Variants in EPHA3 observed in about 807,000 individuals in gnomAD.
EPHA3 encodes the protein EPH receptor A3.
A neutral mutation model predicts 107.1 loss-of-function variants in EPHA3; 42 were observed. The observed-to-expected ratio is 0.39, with a 90% CI of 0.31 to 0.51. The LOEUF is 0.51. Among genes scored for constraint, EPHA3 ranks in the 20% least tolerant of loss-of-function variants. EPHA3 has a pLI of 0.78. For synonymous variants in EPHA3, 461 were observed against 424.8 expected (o/e 1.09, Z -1.05); for missense variants, 1,183 against 1,211.2 (o/e 0.98, Z 0.35).
At chr3:89,353,079 C>T (rs968911017) in intron 5 of EPHA3, among the ~76,000 whole-genome samples, 4 of 150,900 alleles carry the variant, frequency 2.7e-5, no homozygotes, top group South Asian at 2.1e-4. Flanking sequence ...AAAGAAATAA[C>T]TCATGTTGAA....
At chr3:89,180,609 G>A (rs1437229948) in intron 2 of EPHA3, among the ~76,000 whole-genome samples, 2 of 151,980 alleles carry the variant, frequency 1.3e-5, no homozygotes, top group Admixed American at 1.3e-4. Context: ...CAGCAGTTTA[G>A]TAGCGTTATA....
chr3:89,266,235 T>C (rs1163866146), intron 3 of EPHA3, among the ~76,000 whole-genome samples: 1 of 152,162 alleles, frequency 6.6e-6, no homozygotes, highest in African/African-American at 2.4e-5. Context: ...AACTGAAACC[T>C]ACAGTTCAAG....
At chr3:89,364,901 A>G (rs1708159739) in intron 5 of EPHA3, among the ~76,000 whole-genome samples, 1 of 150,922 alleles carries the variant, frequency 6.6e-6, no homozygotes, top group Non-Finnish European at 1.5e-5. Context: ...TATTTGTTTT[A>G]TAAAGTGACT....
At chr3:89,332,003 G>A (rs1707300278) in intron 3 of EPHA3, among the ~76,000 whole-genome samples, 1 of 152,104 alleles carries the variant, frequency 6.6e-6, no homozygotes, top group Non-Finnish European at 1.5e-5. Flanking sequence ...CCTGAGTATA[G>A]AGTTGAGCTT....
At chr3:89,113,828 A>T (rs1707183602) in intron 1 of EPHA3, among the ~76,000 whole-genome samples, 1 of 152,100 alleles carries the variant, frequency 6.6e-6, no homozygotes, top group Non-Finnish European at 1.5e-5. Context: ...GAAAGTTTTA[A>T]GAGTGACAGC....
At chr3:89,121,692 G>A (rs1471950112) in intron 1 of EPHA3, among the ~76,000 whole-genome samples, 1 of 151,350 alleles carries the variant, frequency 6.6e-6, no homozygotes, top group African/African-American at 2.4e-5. Flanking sequence ...AGGAGGCAGA[G>A]GTTGCAGTGA....
chr3:89,443,380 G>A (rs945006893), intron 13 of EPHA3, among the ~76,000 whole-genome samples: 18 of 152,028 alleles, frequency 1.2e-4, no homozygotes, highest in Admixed American at 1.3e-4. Context: ...ACTAACTATC[G>A]TTGTGGAGTT....
intron 3 of EPHA3, among the ~76,000 whole-genome samples, chr3:89,277,126 G>A (rs1253497412): frequency 6.6e-6 from 1 of 152,094 alleles, no homozygotes; most frequent in East Asian, 1.9e-4. Flanking sequence ...CAACTTGCAT[G>A]TCCTAGGAAT....
At chr3:89,241,379 A>G (rs1175817827) in intron 3 of EPHA3, among the ~76,000 whole-genome samples, 2 of 152,228 alleles carry the variant, frequency 1.3e-5, no homozygotes, top group Admixed American at 1.3e-4. Context: ...GACTGAATGC[A>G]TTCAGCTAAA....
chr3:89,459,084 G>A (rs556409047), intron 15 of EPHA3, among the ~76,000 whole-genome samples: 95 of 152,208 alleles, frequency 6.2e-4, no homozygotes, highest in African/African-American at 2.1e-3. Context: ...TGCATGTGGA[G>A]CTTAAAACCT....
intron 13 of EPHA3, among the ~76,000 whole-genome samples, chr3:89,442,714 G>T (rs146418833): frequency 6.6e-6 from 1 of 152,070 alleles, no homozygotes; most frequent in African/African-American, 2.4e-5. Flanking sequence ...ATTTTTTCCT[G>T]TCCATATTGG....
In EPHA3 at chr3:89,239,715, A is replaced by G. The variant is rs560785377; in HGVS notation, c.814+29195A>G. Among the ~76,000 whole-genome samples the G allele has an allele frequency of 7.9e-4, 120 of 152,240 alleles. 1 individual carries two copies. Among genetic ancestry groups the G allele is most frequent in the African/African-American group, 2.7e-3 (111 of 41,550 alleles). ...CTTTTGAAAAGAACATAATTTCTCA[A>G]AAAAATATTTTTCAGTAATCTCTGC... On this transcript the variant is annotated intron_variant, in intron 3 of 16. Coordinates refer to ENST00000336596, the MANE Select transcript of EPHA3 (RefSeq NM_005233.6).
chr3:89,431,157 A>G lies in EPHA3; in HGVS notation c.2144A>G (p.Asp715Gly), dbSNP rs1280769530. ...GSLDSFLRKH[D>G]AQFTVIQLVG... ...ATTTGAAATGCTTCCCAGAAACACG[A>G]TGCCCAGTTTACTGTCATTCAGCTA... is the stretch of plus-strand genomic sequence containing the variant. Residue 715 changes from aspartate to glycine, a missense_variant, in exon 13 of 17, where the codon GAT becomes GGT. Physicochemically the swap from Asp to Gly is moderately conservative, Grantham distance 94. Coordinates refer to ENST00000336596, the MANE Select transcript of EPHA3 (RefSeq NM_005233.6). 6.2e-7 allele frequency: 1 copy of G among 1,613,352 alleles called. No homozygotes were observed. Among genetic ancestry groups the G allele is most frequent in the Non-Finnish European group, 8.5e-7 (1 of 1,179,738 alleles).
chr3:89,357,188 C>T (rs1305756905), intron 5 of EPHA3, among the ~76,000 whole-genome samples: 14 of 135,688 alleles, frequency 1.0e-4, no homozygotes, highest in Non-Finnish European at 2.0e-4. Flanking sequence ...GACGGTGATA[C>T]GGGAAGAAAC....
chr3:89,147,472 G>A (rs528003756), intron 2 of EPHA3, among the ~76,000 whole-genome samples: 1 of 152,000 alleles, frequency 6.6e-6, no homozygotes, highest in East Asian at 1.9e-4. Flanking sequence ...AGAAGAAAAA[G>A]GAAATTTGTG....
chr3:89,219,688 G>GTGTTTTTTTTTGTTTTT, intron 3 of EPHA3, among the ~76,000 whole-genome samples: 895 of 34,434 alleles, frequency 0.026, 360 homozygotes, highest in Admixed American at 0.056. Context: ...ATTTGGCAAT[G>GTGTTTTTTTTTGTTTTT]TTTTTTTTTT....
Position 89,201,402 on chromosome 3 carries a change from A to T in EPHA3, c.154-8458A>T, listed in dbSNP as rs7650224. The stretch of plus-strand genomic sequence containing the variant: ...GAATGAATGAATGAATGAATAAATG[A>T]ATACAAATTATTTTAAAATAAAAAT... On this transcript the variant is annotated intron_variant, in intron 2 of 16. Coordinates refer to ENST00000336596, the MANE Select transcript of EPHA3 (RefSeq NM_005233.6). Among the ~76,000 whole-genome samples the T allele has an allele frequency of 9.9e-3, 1,509 of 152,320 alleles. 12 individuals are homozygous for T. Among genetic ancestry groups the T allele is most frequent in the East Asian group, 0.027 (142 of 5,178 alleles).
At chr3:89,459,090 A>G (rs1319031782) in intron 15 of EPHA3, among the ~76,000 whole-genome samples, 3 of 152,134 alleles carry the variant, frequency 2.0e-5, no homozygotes, top group Non-Finnish European at 4.4e-5. Flanking sequence ...TGGAGCTTAA[A>G]ACCTAGATGA....
chr3:89,140,065 G>A (rs567073812), intron 2 of EPHA3, among the ~76,000 whole-genome samples: 1 of 151,684 alleles, frequency 6.6e-6, no homozygotes, highest in South Asian at 2.1e-4. Context: ...TTCCATTCTC[G>A]TGAATGTGTA....
Sources: gnomAD v4.1 joint callset for allele counts (sites outside exome capture counted in the v4.1 genomes callset) on GRCh38, gnomAD v4.1.1 for gene constraint, MANE v1.5 for transcripts, NCBI Gene and HGNC (gene_info 2026-07-23, HGNC 2026-07-21) for gene names.